The following CNTNAP2 variants were observed in gnomAD, a reference collection of about 807,000 sequenced individuals.
The protein encoded by CNTNAP2 is contactin associated protein 2.
A neutral mutation model predicts 155.2 loss-of-function variants in CNTNAP2; 98 were observed. The observed-to-expected ratio is 0.63, with a 90% CI of 0.54 to 0.75. The LOEUF (loss-of-function observed/expected upper bound fraction) is 0.75. Ranked by LOEUF, CNTNAP2 falls within the 30% of genes least tolerant of loss-of-function variation. CNTNAP2 has a pLI of 0.00. For missense variants in CNTNAP2, 1,727 were observed against 1,688.1 expected (o/e 1.02, Z -0.40); for synonymous variants, 651 against 631.2 (o/e 1.03, Z -0.47).
chr7:147,086,154 G>A (rs930674301), intron 4 of CNTNAP2, among the ~76,000 whole-genome samples: 2 of 152,110 alleles, frequency 1.3e-5, no homozygotes, highest in African/African-American at 4.8e-5. Flanking sequence ...ATTTTTAAAG[G>A]AGCATTTTAA....
chr7:146,363,067 C>A (rs1304890550), intron 1 of CNTNAP2, among the ~76,000 whole-genome samples: 3 of 117,346 alleles, frequency 2.6e-5, no homozygotes, highest in African/African-American at 1.7e-4. Context: ...CCGCGCCTGG[C>A]CCACATAACA....
At chr7:147,483,114 AT>A (rs1319781542) in intron 10 of CNTNAP2, among the ~76,000 whole-genome samples, 2 of 152,174 alleles carry the variant, frequency 1.3e-5, no homozygotes, top group East Asian at 3.9e-4. Context: ...TTGTATCTAA[AT>A]AAAAAATACT....
intron 21 of CNTNAP2, among the ~76,000 whole-genome samples, chr7:148,330,665 A>C (rs1797977647): frequency 6.8e-6 from 1 of 146,384 alleles, no homozygotes; most frequent in African/African-American, 2.6e-5. Context: ...GGATGGATGG[A>C]TGGATGGAGT....
intron 10 of CNTNAP2, among the ~76,000 whole-genome samples, chr7:147,430,787 G>A (rs1041205885): frequency 3.9e-5 from 6 of 152,048 alleles, no homozygotes; most frequent in Admixed American, 2.0e-4. Flanking sequence ...TGAAGGAGCC[G>A]GGCACAGTGG....
At chr7:147,938,468 A>G (rs1800656230) in intron 14 of CNTNAP2, among the ~76,000 whole-genome samples, 1 of 152,204 alleles carries the variant, frequency 6.6e-6, no homozygotes. Flanking sequence ...CATTAATTGA[A>G]TTTCAATATT....
At chr7:147,683,648 A>G (rs1795979062) in intron 13 of CNTNAP2, among the ~76,000 whole-genome samples, 1 of 151,820 alleles carries the variant, frequency 6.6e-6, no homozygotes, top group African/African-American at 2.4e-5. Flanking sequence ...GAAACATAAA[A>G]GATGCCTAAC....
rs1041118915 is a variant in CNTNAP2, at chr7:147,819,387, T to C, written c.2099-84178T>C. Among the ~76,000 whole-genome samples, 5 of 152,200 alleles carry C rather than the reference T, an allele frequency of 3.3e-5. 1 individual carries two copies. The highest frequency in any genetic ancestry group is 2.0e-4 in the Admixed American group (3 of 15,280). Reference sequence around the variant, plus strand: ...GGTCTACCAGTCAGTGCCCATTATATATACGTTTCTCTTCCTTTCTCCAAT... The same window carrying C: ...GGTCTACCAGTCAGTGCCCATTATACATACGTTTCTCTTCCTTTCTCCAAT... On this transcript the variant is annotated intron_variant, in intron 13 of 23. Coordinates refer to ENST00000361727, the MANE Select transcript of CNTNAP2 (RefSeq NM_014141.6).
intron 14 of CNTNAP2, among the ~76,000 whole-genome samples, chr7:147,925,154 A>AGAAGGAAGGAAGGAAGGGAG (rs1800365222): frequency 1.6e-5 from 1 of 63,310 alleles, no homozygotes; most frequent in Non-Finnish European, 3.2e-5. Flanking sequence ...AGAGAGAGAG[A>AGAAGGAAGGAAGGAAGGGAG]GAAGGAAGGA....
At chr7:147,085,392 G>A (rs893513296) in intron 4 of CNTNAP2, among the ~76,000 whole-genome samples, 19 of 152,038 alleles carry the variant, frequency 1.2e-4, no homozygotes, top group Non-Finnish European at 7.4e-5. Flanking sequence ...ATGAGTGCCC[G>A]CATTAGATTC....
chr7:147,006,516 G>T (rs758018091), intron 3 of CNTNAP2, among the ~76,000 whole-genome samples: 2 of 151,770 alleles, frequency 1.3e-5, no homozygotes, highest in Non-Finnish European at 2.9e-5. Flanking sequence ...TGTATTTTGG[G>T]GTTGCATATT....
chr7:148,021,280 C>T (rs1158476683), intron 15 of CNTNAP2, among the ~76,000 whole-genome samples: 1 of 152,004 alleles, frequency 6.6e-6, no homozygotes. Flanking sequence ...CTGTCGGCCA[C>T]GTATTAGGGA....
chr7:147,481,645 G>A (rs1366375934), intron 10 of CNTNAP2, among the ~76,000 whole-genome samples: 2 of 152,162 alleles, frequency 1.3e-5, no homozygotes, highest in East Asian at 1.9e-4. Flanking sequence ...CATTTTGAAA[G>A]CTGGAACTAA....
chr7:147,426,700 C>T (rs1291801607), intron 10 of CNTNAP2, among the ~76,000 whole-genome samples: 1 of 152,040 alleles, frequency 6.6e-6, no homozygotes, highest in Non-Finnish European at 1.5e-5. Flanking sequence ...TGTCTGCCTC[C>T]CTCATTAATC....
At chr7:148,187,199 G>T (rs1476284983) in intron 18 of CNTNAP2, among the ~76,000 whole-genome samples, 5 of 151,746 alleles carry the variant, frequency 3.3e-5, no homozygotes, top group Non-Finnish European at 7.4e-5. Flanking sequence ...ATAAGTCTTA[G>T]ATAACAAGAT....
At chr7:146,842,994 C>CT (rs35387068) in intron 3 of CNTNAP2, among the ~76,000 whole-genome samples, 548 of 13,666 alleles carry the variant, frequency 0.04, 168 homozygotes, top group Non-Finnish European at 0.058. Flanking sequence ...CTGTCCCACA[C>CT]TTTTTTTTTT....
chr7:146,954,619 C>A (rs1797394947), intron 3 of CNTNAP2, among the ~76,000 whole-genome samples: 1 of 151,620 alleles, frequency 6.6e-6, no homozygotes, highest in African/African-American at 2.4e-5. Context: ...CTATTCTGTG[C>A]TTTTTCACAT....
intron 13 of CNTNAP2, among the ~76,000 whole-genome samples, chr7:147,676,330 G>A (rs1795867674): frequency 6.6e-6 from 1 of 151,886 alleles, no homozygotes; most frequent in South Asian, 2.1e-4. Flanking sequence ...AAACCTGCTA[G>A]GGTTACAGTA....
chr7:148,242,257 A>G (rs1471336133), intron 20 of CNTNAP2, among the ~76,000 whole-genome samples: 1 of 152,202 alleles, frequency 6.6e-6, no homozygotes, highest in Non-Finnish European at 1.5e-5. Context: ...TTTCTTGCCC[A>G]GGTAACTGAA....
chr7:147,706,616 T>C (rs1030962294), intron 13 of CNTNAP2, among the ~76,000 whole-genome samples: 2 of 152,204 alleles, frequency 1.3e-5, no homozygotes, highest in Admixed American at 6.5e-5. Flanking sequence ...AGAAGGCCTT[T>C]AGGAATTGTA....
Sources: allele counts gnomAD v4.1 joint callset (sites outside exome capture counted in the v4.1 genomes callset), GRCh38; gene constraint gnomAD v4.1.1; transcripts MANE v1.5; gene names NCBI Gene and HGNC (gene_info 2026-07-23, HGNC 2026-07-21).